FIP1L1: variants seen among roughly 807,000 people sequenced by gnomAD.
FIP1L1 encodes pre-mRNA 3'-end-processing factor FIP1.
In FIP1L1, 21 loss-of-function variants were observed where a neutral mutation model predicts 84.6. The observed-to-expected ratio is 0.25, with a 90% CI of 0.18 to 0.36. The LOEUF (loss-of-function observed/expected upper bound fraction) is 0.36, where lower values mean the gene tolerates loss of function less well. Among genes scored for constraint, FIP1L1 ranks in the 10% least tolerant of loss-of-function variants. The probability of loss-of-function intolerance (pLI) is 1.00; values close to 1 mark genes in which losing one functional copy is unlikely to be tolerated. For missense variants in FIP1L1, 526 were observed against 751.1 expected (o/e 0.70, Z 3.50); for synonymous variants, 263 against 242.3 (o/e 1.09, Z -0.80).
intron 15 of FIP1L1, among the ~76,000 whole-genome samples, chr4:53,445,919 A>G (rs978933892): frequency 3.9e-5 from 6 of 152,202 alleles, no homozygotes; most frequent in Non-Finnish European, 5.9e-5. Flanking sequence ...CTCCTACAGA[A>G]GTAATCCAGA....
rs587778364 is a variant in FIP1L1, at chr4:53,379,088, A to G, written c.101A>G (p.His34Arg). 1.9e-6 allele frequency: 3 copies of G among 1,613,900 alleles called. No homozygotes were observed. The highest frequency in any genetic ancestry group is 2.5e-6 in the Non-Finnish European group (3 of 1,179,906). ...GTGCTTATAGGCCCATGGGACGTGC[A>G]TGTGCACAGTGATTTGGCAAAGGAC... ...EWLYGGPWDV[H>R]VHSDLAKDLD... is the part of the protein sequence containing the mutation. The change falls in exon 2 of 18, where the codon CAT becomes CGT. Residue 34 changes from histidine (H) to arginine (R), a missense_variant. This residue lies in a region of FIP1L1 where 100 missense variants were observed against 107.2 expected (regional missense o/e 0.93). Coordinates refer to ENST00000337488, the MANE Select transcript of FIP1L1 (RefSeq NM_030917.4).
In FIP1L1 at chr4:53,460,796, T is replaced by C; in HGVS notation, c.*1347T>C. 1 of 1,122,102 alleles carries C rather than the reference T, an allele frequency of 8.9e-7. No individual in the cohort carries two copies. Among genetic ancestry groups the C allele is most frequent in the East Asian group, 2.7e-5 (1 of 37,606 alleles). 69.5% of individuals were successfully genotyped at this position (1,122,102 alleles called of 1,614,324 possible). ...TTAGATGATCATACTTTTCCTGACA[T>C]TTTTACAATGTATTCTTTCTTTAAA... On this transcript the variant is annotated 3_prime_UTR_variant, in exon 18 of 18. Transcript: ENST00000337488.
intron 13 of FIP1L1, among the ~76,000 whole-genome samples, chr4:53,437,750 G>C (rs1289979580): frequency 6.6e-6 from 1 of 151,568 alleles, no homozygotes; most frequent in Non-Finnish European, 1.5e-5. Context: ...TTTTGAGATG[G>C]AGTCTCGCTC....
chr4:53,420,213 A>AAAAC (rs1761719815), intron 11 of FIP1L1, among the ~76,000 whole-genome samples: 1 of 133,738 alleles, frequency 7.5e-6, no homozygotes, highest in African/African-American at 3.2e-5. Context: ...AAAAAAAAAA[A>AAAAC]AAAAAAAAAA....
chr4:53,411,481 A>ATT (rs77132887), intron 10 of FIP1L1, among the ~76,000 whole-genome samples: 15 of 151,902 alleles, frequency 9.9e-5, no homozygotes, highest in East Asian at 7.7e-4. Context: ...CCATAAAAGT[A>ATT]TTTTTTTTGT....
In FIP1L1 at chr4:53,383,834, A is replaced by G. The variant is rs776485515; in HGVS notation, c.290A>G (p.His97Arg). Residue 97 changes from histidine to arginine, a missense_variant, in exon 5 of 18, where the codon CAT (histidine) becomes CGT (arginine). Physicochemically the swap from His to Arg is conservative, Grantham distance 29. Transcript: ENST00000337488. ...AGCGATGATGATGAAGATGATGTTC[A>G]TGTCACTATAGGAGACATTAAAACG... ...SDSDDDEDDV[H>R]VTIGDIKTGA... The G allele has an allele frequency of 3.1e-6, 5 of 1,613,454 alleles. No homozygotes were observed. The Admixed American group carries it at 5.0e-5, about 16-fold the overall frequency.
chr4:53,396,407 CT>C (rs34022098), intron 9 of FIP1L1, among the ~76,000 whole-genome samples: 84,229 of 151,492 alleles, frequency 0.56, 25,239 homozygotes, highest in Non-Finnish European at 0.67. Context: ...CAATTAGAAT[CT>C]TTTTTTTTCC....
intron 10 of FIP1L1, among the ~76,000 whole-genome samples, chr4:53,404,204 C>T (rs1365144234): frequency 7.9e-6 from 1 of 126,886 alleles, no homozygotes; most frequent in South Asian, 2.6e-4. Context: ...TGTTCCCCTT[C>T]CTGTGTCCAT....
intron 13 of FIP1L1, chr4:53,440,804 CGTTT>C: frequency 1.9e-6 from 1 of 519,274 alleles, no homozygotes; most frequent in Non-Finnish European, 3.5e-6. Context: ...CTGTCTTACC[CGTTT>C]CTGTAGAAAT....
intron 15 of FIP1L1, among the ~76,000 whole-genome samples, chr4:53,450,504 C>T (rs1775934805): frequency 6.6e-6 from 1 of 152,126 alleles, no homozygotes; most frequent in Admixed American, 6.6e-5. Flanking sequence ...ATGTCCATTA[C>T]ATCAACCATG....
chr4:53,405,575 T>C lies in FIP1L1; in HGVS notation c.815+5736T>C, dbSNP rs1436096110. ...CATTGGTAGCTTGATGGGGATGGCA[T>C]TGAATCTATAAATTACCTTGGGCAG... On this transcript the variant is annotated intron_variant, in intron 10 of 17. Coordinates refer to ENST00000337488, the MANE Select transcript of FIP1L1 (RefSeq NM_030917.4). Among the ~76,000 whole-genome samples the C allele has an allele frequency of 7.4e-5, 11 of 148,678 alleles. No individual in the cohort carries two copies. The East Asian group carries it at 1.6e-3, about 21-fold the overall frequency.
intron 11 of FIP1L1, among the ~76,000 whole-genome samples, chr4:53,416,068 G>T (rs548369551): frequency 7.9e-5 from 12 of 152,094 alleles, no homozygotes; most frequent in Non-Finnish European, 1.5e-4. Flanking sequence ...TTTAAATAAA[G>T]AAAAGTTAGA....
At chr4:53,394,247 ATTAT>A (rs914293716) in intron 9 of FIP1L1, among the ~76,000 whole-genome samples, 4 of 151,786 alleles carry the variant, frequency 2.6e-5, no homozygotes, top group Admixed American at 6.6e-5. Context: ...TTTCAACTTG[ATTAT>A]TTAAGTTAGT....
intron 10 of FIP1L1, among the ~76,000 whole-genome samples, chr4:53,406,583 G>A (rs553091633): frequency 1.3e-5 from 2 of 152,256 alleles, no homozygotes; most frequent in South Asian, 4.1e-4. Context: ...CAGAAGGAAT[G>A]GTACCAGTTC....
chr4:53,434,488 T>C (rs1380612420), intron 13 of FIP1L1, among the ~76,000 whole-genome samples: 2 of 148,294 alleles, frequency 1.3e-5, no homozygotes, highest in Non-Finnish European at 3.0e-5. Flanking sequence ...TTTTTTTTTT[T>C]GAGATGAAGT....
intron 10 of FIP1L1, among the ~76,000 whole-genome samples, chr4:53,401,853 G>A (rs1750410488): frequency 6.6e-6 from 1 of 152,192 alleles, no homozygotes; most frequent in Non-Finnish European, 1.5e-5. Context: ...GAGTAGAAGG[G>A]AAGAGTATGG....
At chr4:53,391,787 C>A (rs1744374194) in intron 9 of FIP1L1, among the ~76,000 whole-genome samples, 1 of 152,116 alleles carries the variant, frequency 6.6e-6, no homozygotes, top group African/African-American at 2.4e-5. Context: ...AAGTTAGTGG[C>A]AACAGATTAT....
At chr4:53,382,787 T>C (rs1251476093) in intron 4 of FIP1L1, among the ~76,000 whole-genome samples, 2 of 152,228 alleles carry the variant, frequency 1.3e-5, no homozygotes, top group East Asian at 3.8e-4. Flanking sequence ...TTTAATCCTA[T>C]AAAAGGAAGG....
At chr4:53,442,629 TTA>T (rs750300355) in intron 13 of FIP1L1, 22 bp from the exon 14 acceptor site, 1 of 1,557,224 alleles carries the variant, frequency 6.4e-7, no homozygotes, top group African/African-American at 1.4e-5. Flanking sequence ...TTAACATTTT[TTA>T]TCTTATGATT....
Sources: allele counts gnomAD v4.1 joint callset (sites outside exome capture counted in the v4.1 genomes callset), GRCh38; gene constraint gnomAD v4.1.1; regional missense constraint gnomAD v4.1.1; transcripts MANE v1.5; gene names NCBI Gene and HGNC (gene_info 2026-07-23, HGNC 2026-07-21).